ARHGAP17: variants seen among roughly 807,000 people sequenced by gnomAD.
The protein encoded by ARHGAP17 is Rho GTPase activating protein 17, also known as rho GTPase-activating protein 17.
A neutral mutation model predicts 99.5 loss-of-function variants in ARHGAP17; 57 were observed. The ratio of observed to expected loss-of-function variants is 0.57; its 90% CI spans 0.46 to 0.71. The LOEUF is 0.71. Ranked by LOEUF, ARHGAP17 falls within the 30% of genes least tolerant of loss-of-function variation. The pLI, the probability that ARHGAP17 is intolerant of heterozygous loss-of-function variation, is 0.00. For missense variants in ARHGAP17, 1,000 were observed against 1,122.4 expected, an observed-to-expected ratio of 0.89 and a Z score of 1.56; for synonymous variants, 417 against 429.6, an observed-to-expected ratio of 0.97 and a Z score of 0.36.
Position 24,949,403 on chromosome 16 carries a change from C to T in ARHGAP17, c.1127+1G>A, listed in dbSNP as rs1222165509. ...AGTCATTGTAGCTCAATCATACATA[C>T]CTAAAGTTAACAAAATTTTGTGGTG... On this transcript the variant is annotated splice_donor_variant, in intron 13 of 19. Transcript: ENST00000289968. LOFTEE classifies it high-confidence loss of function. 3 of 1,612,910 alleles carry T rather than the reference C, an allele frequency of 1.9e-6. No homozygotes were observed. Among genetic ancestry groups the T allele is most frequent in the Non-Finnish European group, 2.5e-6 (3 of 1,179,504 alleles).
chr16:24,983,439 C>T (rs550747229), intron 1 of ARHGAP17, among the ~76,000 whole-genome samples: 10 of 151,816 alleles, frequency 6.6e-5, no homozygotes, highest in Non-Finnish European at 1.2e-4. Context: ...GTAGCTGGGA[C>T]GAGAGATGCG....
Position 24,970,594 on chromosome 16 carries a change from G to T in ARHGAP17, c.199-14C>A, listed in dbSNP as rs2052333853. ...AGGCAGTTTTTTCTGGAAGATAGAA[G>T]ACAGTGTGTGTTTTTCTCATTATTT... On this transcript the variant is annotated splice_polypyrimidine_tract_variant and intron_variant, in intron 3 of 19. Transcript: ENST00000289968. 1.9e-6 allele frequency: 3 copies of T among 1,607,440 alleles called. No individual in the cohort carries two copies. The highest frequency in any genetic ancestry group is 1.3e-5 in the African/African-American group (1 of 74,776).
At chr16:24,953,572 G>A (rs914064050) in intron 10 of ARHGAP17, among the ~76,000 whole-genome samples, 3 of 152,110 alleles carry the variant, frequency 2.0e-5, no homozygotes, top group Non-Finnish European at 4.4e-5. Flanking sequence ...GTTCCACCAC[G>A]TGAACACTGC....
intron 1 of ARHGAP17, among the ~76,000 whole-genome samples, chr16:24,991,726 T>C (rs564383435): frequency 1.3e-5 from 2 of 152,324 alleles, no homozygotes; most frequent in East Asian, 3.9e-4. Context: ...AGATCTCAGC[T>C]GAGCATGCAT....
intron 1 of ARHGAP17, among the ~76,000 whole-genome samples, chr16:25,000,571 G>A (rs1009980958): frequency 1.3e-5 from 2 of 151,956 alleles, no homozygotes; most frequent in African/African-American, 2.4e-5. Flanking sequence ...TTCTGGCAAC[G>A]GGGGGGTTAT....
At chr16:25,013,315 A>G (rs2053690844) in intron 1 of ARHGAP17, among the ~76,000 whole-genome samples, 1 of 152,154 alleles carries the variant, frequency 6.6e-6, no homozygotes. Flanking sequence ...GTAGGCAAGC[A>G]TGGCCGGAAT....
At chr16:24,946,681 G>A (rs965581005) in intron 14 of ARHGAP17, among the ~76,000 whole-genome samples, 3 of 152,070 alleles carry the variant, frequency 2.0e-5, no homozygotes, top group East Asian at 1.9e-4. Context: ...CTTATACCAG[G>A]AGGAAAGAAA....
intron 1 of ARHGAP17, among the ~76,000 whole-genome samples, chr16:24,982,996 A>ATTTTTT (rs1193522045): frequency 2.1e-5 from 1 of 46,976 alleles, no homozygotes; most frequent in African/African-American, 8.7e-5. Flanking sequence ...ATATATATAT[A>ATTTTTT]TTTTTTTTTT....
rs201288535 is a variant in ARHGAP17 at position 24,937,201 on chromosome 16, C to T, written c.1725-1562G>A. 1.2e-3 allele frequency among the ~76,000 whole-genome samples: 185 copies of T among 151,720 alleles called. No homozygotes were observed. The South Asian group carries it at 0.025, about 20-fold the overall frequency. On this transcript the variant is annotated intron_variant, in intron 17 of 19. Coordinates refer to ENST00000289968, the MANE Select transcript of ARHGAP17 (RefSeq NM_001006634.3). ...CTTTGGGAGGCCAAGGCAGGTGGAT[C>T]ACTTGAGGTCAGGACATCGCGACCA...
At chr16:24,953,644 C>T (rs1280848688) in intron 10 of ARHGAP17, among the ~76,000 whole-genome samples, 3 of 152,204 alleles carry the variant, frequency 2.0e-5, no homozygotes, top group African/African-American at 4.8e-5. Context: ...GATTCCTGTA[C>T]AGCCTGTGGA....
chr16:24,981,395 T>G (rs1448395664), intron 1 of ARHGAP17, among the ~76,000 whole-genome samples: 1 of 151,892 alleles, frequency 6.6e-6, no homozygotes, highest in Admixed American at 6.6e-5. Flanking sequence ...GGACATAATA[T>G]AAATATCAAA....
intron 12 of ARHGAP17, among the ~76,000 whole-genome samples, chr16:24,950,106 T>A (rs1247673893): frequency 6.6e-6 from 1 of 152,120 alleles, no homozygotes; most frequent in Admixed American, 6.5e-5. Context: ...GGGGCCTCTA[T>A]AACACCACTT....
intron 3 of ARHGAP17, 109 bp from the exon 4 acceptor site, chr16:24,970,689 G>GCTGTCTCCTACCTGTGTAA: frequency 3.1e-6 from 3 of 960,982 alleles, no homozygotes; most frequent in Non-Finnish European, 5.0e-6. Context: ...AATTACACAG[G>GCTGTCTCCTACCTGTGTAA]TAGGAGACAG....
At chr16:24,977,124 T>C in intron 3 of ARHGAP17, 91 bp downstream of exon 3, 1 of 1,010,036 alleles carries the variant, frequency 9.9e-7, no homozygotes, top group Non-Finnish European at 1.3e-6. Flanking sequence ...GCTGATCCAC[T>C]GATGCCACTT....
In ARHGAP17 at chr16:24,978,986, G is replaced by A; in HGVS notation, c.73C>T (p.Leu25Phe). The A allele has an allele frequency of 1.3e-6, 2 of 1,592,978 alleles. No individual in the cohort carries two copies. Among genetic ancestry groups the A allele is most frequent in the Non-Finnish European group, 1.7e-6 (2 of 1,172,456 alleles). The stretch of plus-strand genomic sequence containing the variant: ...GTTACCTGTAATAGATCTTCACTAA[G>A]GACTTCTGTTTTCTCAGCTCTGTGG... ...TVGRAEKTEV[L>F]SEDLLQIERR... Residue 25 changes from leucine (L) to phenylalanine (F), a missense_variant, in exon 2 of 20, where the codon CTT becomes TTT. Leu to Phe is a conservative substitution (Grantham distance 22, BLOSUM62 0). Coordinates refer to ENST00000289968, the MANE Select transcript of ARHGAP17 (RefSeq NM_001006634.3).
At chr16:24,942,951 G>A (rs140842915) in intron 15 of ARHGAP17, among the ~76,000 whole-genome samples, 32 of 152,206 alleles carry the variant, frequency 2.1e-4, no homozygotes, top group African/African-American at 6.3e-4. Flanking sequence ...TGAATGAGGC[G>A]TGATTCCTGA....
At chr16:24,944,613 ATTTTTTT>A (rs1048514261) in intron 14 of ARHGAP17, among the ~76,000 whole-genome samples, 2 of 151,664 alleles carry the variant, frequency 1.3e-5, no homozygotes, top group African/African-American at 4.8e-5. Flanking sequence ...TTTATTTTTT[ATTTTTTT>A]ATTTTTTATT....
At chr16:24,986,511 C>T (rs2052876381) in intron 1 of ARHGAP17, among the ~76,000 whole-genome samples, 1 of 152,172 alleles carries the variant, frequency 6.6e-6, no homozygotes, top group Non-Finnish European at 1.5e-5. Context: ...TTTGGTAACA[C>T]ATGAAAATTT....
intron 1 of ARHGAP17, among the ~76,000 whole-genome samples, chr16:24,995,828 C>A (rs2053176406): frequency 6.6e-6 from 1 of 152,080 alleles, no homozygotes; most frequent in South Asian, 2.1e-4. Context: ...AAAGGAAAAC[C>A]AGGCTTGGAC....
Sources: allele counts gnomAD v4.1 joint callset (sites outside exome capture counted in the v4.1 genomes callset), GRCh38; gene constraint gnomAD v4.1.1; transcripts MANE v1.5; gene names NCBI Gene and HGNC (gene_info 2026-07-23, HGNC 2026-07-21).